Variants in GPALPP1 observed in about 807,000 individuals in gnomAD.
GPALPP1 encodes GPALPP motifs-containing protein 1.
A neutral mutation model predicts 38.9 loss-of-function variants in GPALPP1; 30 were observed. The observed-to-expected ratio is 0.77, with a 90% CI of 0.58 to 1.05. The LOEUF is 1.05. Among genes scored for constraint, GPALPP1 ranks in the 50% least tolerant of loss-of-function variants. The pLI, the probability that GPALPP1 is intolerant of heterozygous loss-of-function variation, is 0.00. For synonymous variants in GPALPP1, 120 were observed against 139.2 expected (o/e 0.86, Z 0.97); for missense variants, 384 against 408.8 (o/e 0.94, Z 0.52).
chr13:45,020,655 AG>A (rs1875357520), intron 7 of GPALPP1, among the ~76,000 whole-genome samples: 1 of 150,622 alleles, frequency 6.6e-6, no homozygotes, highest in Non-Finnish European at 1.5e-5. Context: ...AAAAAAAAAA[AG>A]GAAGCCAGAA....
At chr13:44,991,158 A>G (rs753637099) in intron 1 of GPALPP1, among the ~76,000 whole-genome samples, 3 of 152,166 alleles carry the variant, frequency 2.0e-5, no homozygotes, top group Non-Finnish European at 2.9e-5. Flanking sequence ...CTTTAAAAAA[A>G]TAAAATAAGG....
In GPALPP1 at chr13:45,015,571, C is replaced by A. The variant is rs1292773816; in HGVS notation, c.680C>A (p.Pro227Gln). The change falls in exon 6 of 8, where the codon CCA (proline) becomes CAA (glutamine). Residue 227 changes from proline (P) to glutamine (Q), a missense_variant. Coordinates refer to ENST00000379151, the MANE Select transcript of GPALPP1 (RefSeq NM_018559.5). ...SGDRSIWTDT[P>Q]ADRERKAKET... The stretch of plus-strand genomic sequence containing the variant: ...GATCGATCAATCTGGACAGATACTC[C>A]AGCTGATAGGGAAAGGAAAGCTAAG... 1 of 1,558,038 alleles carries A rather than the reference C, an allele frequency of 6.4e-7. No homozygotes were observed.
intron 7 of GPALPP1, among the ~76,000 whole-genome samples, chr13:45,025,599 A>C (rs1415279465): frequency 6.6e-6 from 1 of 152,044 alleles, no homozygotes; most frequent in Non-Finnish European, 1.5e-5. Flanking sequence ...CCCTCCCTCA[A>C]AAATTTAGAA....
At chr13:44,995,680 A>G (rs1459216785) in intron 1 of GPALPP1, among the ~76,000 whole-genome samples, 1 of 152,140 alleles carries the variant, frequency 6.6e-6, no homozygotes, top group Non-Finnish European at 1.5e-5. Flanking sequence ...AACCAGCACA[A>G]TTGGTCACCC....
At chr13:44,994,418 A>G (rs1024944443) in intron 1 of GPALPP1, among the ~76,000 whole-genome samples, 1 of 151,206 alleles carries the variant, frequency 6.6e-6, no homozygotes, top group Non-Finnish European at 1.5e-5. Context: ...CGTCTCTACT[A>G]AAAAAATACA....
At position 45,016,801 on chromosome 13, in the gene GPALPP1, C is replaced by G. The variant is rs550676944; in HGVS notation, c.705+1205C>G. 7.9e-5 allele frequency among the ~76,000 whole-genome samples: 12 copies of G among 152,244 alleles called. No homozygotes were observed. The South Asian group carries it at 2.5e-3, about 32-fold the overall frequency. ...AGGAGCTGAGACTACAGGCACACAA[C>G]TAATTTTTTTTATTTTTTATTTTTG... On this transcript the variant is annotated intron_variant, in intron 6 of 7. Transcript: ENST00000379151.
chr13:45,010,764 G>T lies in GPALPP1; in HGVS notation c.408+1885G>T, dbSNP rs537474439. On this transcript the variant is annotated intron_variant, in intron 4 of 7. Coordinates refer to ENST00000379151, the MANE Select transcript of GPALPP1 (RefSeq NM_018559.5). ...TTTGGGAGGCCAAGGCGGGTGGGTT[G>T]CTTGAGCTCAGGAGTTCAAGACCAC... Among the ~76,000 whole-genome samples, 3 of 152,260 alleles carry T rather than the reference G, an allele frequency of 2.0e-5. No homozygotes were observed. In the East Asian group the frequency reaches 5.8e-4, roughly 29 times the overall value.
Position 45,006,193 on chromosome 13 carries a change from T to A in GPALPP1, c.222-9T>A, listed in dbSNP as rs199840712. 6.4e-7 allele frequency: 1 copy of A among 1,565,096 alleles called. No homozygotes were observed. Among genetic ancestry groups the A allele is most frequent in the Admixed American group, 1.8e-5 (1 of 56,616 alleles). On this transcript the variant is annotated splice_polypyrimidine_tract_variant and intron_variant, in intron 2 of 7. Coordinates refer to ENST00000379151, the MANE Select transcript of GPALPP1 (RefSeq NM_018559.5). ...ATATATGCATAAAGTTATACTACTA[T>A]GTTTTCAGAAAACAGAGGAAAAATC... is the stretch of plus-strand genomic sequence containing the variant.
chr13:45,033,914 G>A (rs1876316207), downstream of GPALPP1: 1 of 152,176 alleles, frequency 6.6e-6, no homozygotes, highest in South Asian at 2.1e-4. Context: ...CTGTAACAGT[G>A]GGTAGGTTTT....
chr13:45,001,407 T>A (rs147522160), intron 1 of GPALPP1, among the ~76,000 whole-genome samples: 1 of 152,316 alleles, frequency 6.6e-6, no homozygotes, highest in African/African-American at 2.4e-5. Flanking sequence ...CACCCTAGTA[T>A]GCCCAAGTAC....
In GPALPP1 at chr13:45,014,974, A is replaced by G; in HGVS notation, c.431A>G (p.Glu144Gly). The G allele has an allele frequency of 6.2e-7, 1 of 1,604,094 alleles. No individual in the cohort carries two copies. The highest frequency in any genetic ancestry group is 8.5e-7 in the Non-Finnish European group (1 of 1,174,476). The change falls in exon 5 of 8, where the codon GAG becomes GGG. Residue 144 changes from glutamate (E) to glycine (G), a missense_variant. Glu to Gly is a moderately conservative substitution (Grantham distance 98). Coordinates refer to ENST00000379151, the MANE Select transcript of GPALPP1 (RefSeq NM_018559.5). ...AAGGAAACAGACAGCAGTGAAGATG[A>G]GGATATTATTGGACCAATGCCTGCA... is the stretch of plus-strand genomic sequence containing the variant. ...GQQETDSSED[E>G]DIIGPMPAKG...
At chr13:44,992,938 A>G (rs1415170008) in intron 1 of GPALPP1, among the ~76,000 whole-genome samples, 2 of 152,218 alleles carry the variant, frequency 1.3e-5, no homozygotes, top group Non-Finnish European at 2.9e-5. Context: ...CCATTAAACA[A>G]TAACTCCCCA....
chr13:44,990,067 C>T (rs1872677182), intron 1 of GPALPP1: 2 of 513,950 alleles, frequency 3.9e-6, no homozygotes, highest in Non-Finnish European at 3.4e-6. Context: ...TCCCATGTTG[C>T]AAATGGGTAC....
chr13:45,004,870 G>T (rs1203334584), intron 2 of GPALPP1, among the ~76,000 whole-genome samples: 1 of 151,754 alleles, frequency 6.6e-6, no homozygotes, highest in Non-Finnish European at 1.5e-5. Context: ...TGCCCAGGCT[G>T]GTCTCAAACT....
At chr13:45,008,132 A>G (rs1874228906) in intron 3 of GPALPP1, among the ~76,000 whole-genome samples, 1 of 152,208 alleles carries the variant, frequency 6.6e-6, no homozygotes, top group African/African-American at 2.4e-5. Context: ...TACACTGACC[A>G]GGATTGTTTT....
intron 1 of GPALPP1, among the ~76,000 whole-genome samples, chr13:44,997,051 C>T (rs935752256): frequency 4.6e-5 from 7 of 151,578 alleles, no homozygotes; most frequent in African/African-American, 1.7e-4. Context: ...GATTTGACTA[C>T]TTTAAGTACA....
chr13:45,010,741 T>C (rs1001456036), intron 4 of GPALPP1, among the ~76,000 whole-genome samples: 1 of 152,214 alleles, frequency 6.6e-6, no homozygotes, highest in Non-Finnish European at 1.5e-5. Flanking sequence ...TCCCACACTT[T>C]GGGAGGCCAA....
At chr13:45,019,550 C>T (rs866386221) in intron 6 of GPALPP1, among the ~76,000 whole-genome samples, 69 of 150,224 alleles carry the variant, frequency 4.6e-4, no homozygotes, top group South Asian at 1.1e-3. Context: ...GAGTTTGCTA[C>T]GCAGTTCACA....
intron 4 of GPALPP1, among the ~76,000 whole-genome samples, chr13:45,014,026 C>T (rs528539182): frequency 3.3e-5 from 5 of 152,248 alleles, no homozygotes; most frequent in South Asian, 4.1e-4. Context: ...TGCCCCTGAA[C>T]GTAAGTGATA....
Sources: allele counts gnomAD v4.1 joint callset (sites outside exome capture counted in the v4.1 genomes callset), GRCh38; gene constraint gnomAD v4.1.1; transcripts MANE v1.5; gene names NCBI Gene and HGNC (gene_info 2026-07-23, HGNC 2026-07-21).